The following CDH13 variants were observed in gnomAD, a reference collection of about 807,000 sequenced individuals.
CDH13 encodes the protein cadherin 13, also known as cadherin-13.
In CDH13, 24 loss-of-function variants were observed where a neutral mutation model predicts 63.8. The ratio of observed to expected loss-of-function variants is 0.38; its 90% confidence interval spans 0.27 to 0.53. The LOEUF (loss-of-function observed/expected upper bound fraction) is 0.53. CDH13 is among the 20% of genes least tolerant of loss of function. The pLI, the probability that CDH13 is intolerant of heterozygous loss-of-function variation, is 0.85. For synonymous variants in CDH13, 503 were observed against 355.3 expected, an observed-to-expected ratio of 1.42 and a Z score of -4.67; for missense variants, 1,049 against 903.1, an observed-to-expected ratio of 1.16 and a Z score of -2.07.
Position 83,486,543 on chromosome 16 carries a change from G to A in CDH13, c.848G>A (p.Arg283Gln), listed in dbSNP as rs760476515. The A allele has an allele frequency of 7.4e-6, 12 of 1,613,672 alleles. No individual in the cohort carries two copies. Among genetic ancestry groups the A allele is most frequent in the South Asian group, 2.2e-5 (2 of 91,064 alleles). Reference protein sequence around the residue: ...DDPATDNALLRYNIRQQTPDK... With the variant: ...DDPATDNALLQYNIRQQTPDK... ...CCAGCCACCGATAATGCCCTCCTGC[G>A]GTATAATATCCGTCAGCAGACGCCT... Residue 283 changes from arginine to glutamine, a missense_variant, in exon 7 of 14, where the codon CGG becomes CAG. By Grantham distance (43) the Arg-to-Gln change is conservative. Coordinates refer to ENST00000567109, the MANE Select transcript of CDH13 (RefSeq NM_001257.5).
intron 6 of CDH13, among the ~76,000 whole-genome samples, chr16:83,346,198 C>T (rs2090836430): frequency 6.6e-6 from 1 of 152,062 alleles, no homozygotes; most frequent in African/African-American, 2.4e-5. Context: ...GTGTTGGAGG[C>T]AGATGGCAGA....
chr16:83,185,089 C>G (rs1010444618), intron 4 of CDH13, among the ~76,000 whole-genome samples: 1 of 152,066 alleles, frequency 6.6e-6, no homozygotes, highest in African/African-American at 2.4e-5. Context: ...CTACTACTAT[C>G]CCTATTTTAT....
intron 1 of CDH13, among the ~76,000 whole-genome samples, chr16:82,704,879 T>C (rs951265416): frequency 2.6e-5 from 4 of 152,176 alleles, no homozygotes; most frequent in African/African-American, 7.2e-5. Flanking sequence ...GCGTGAGCCA[T>C]AACACGCAAA....
chr16:82,734,599 G>C (rs1384567594), intron 1 of CDH13, among the ~76,000 whole-genome samples: 2 of 152,228 alleles, frequency 1.3e-5, no homozygotes, highest in Non-Finnish European at 2.9e-5. Flanking sequence ...GCAACTCTGA[G>C]ATGGAGTTTA....
chr16:82,640,450 C>G (rs4783248), intron 1 of CDH13, among the ~76,000 whole-genome samples: 29,739 of 151,990 alleles, frequency 0.2, 3,495 homozygotes, highest in Admixed American at 0.3. Context: ...CTGTAATGAG[C>G]CATCTAGTAA....
Position 82,759,646 on chromosome 16 carries a change from T to C in CDH13, c.46-98716T>C, listed in dbSNP as rs556535587. 6.6e-5 allele frequency among the ~76,000 whole-genome samples: 10 copies of C among 151,888 alleles called. No individual in the cohort carries two copies. In the South Asian group the frequency reaches 1.9e-3, roughly 28 times the overall value. ...ACTTTGGTCCATATGCAGTATTCCA[T>C]AGAAAATTGATATTTTGCCTTAACA... On this transcript the variant is annotated intron_variant, in intron 1 of 13. Coordinates refer to ENST00000567109, the MANE Select transcript of CDH13 (RefSeq NM_001257.5).
intron 6 of CDH13, among the ~76,000 whole-genome samples, chr16:83,355,090 G>A (rs1597817781): frequency 6.6e-6 from 1 of 152,122 alleles, no homozygotes; most frequent in South Asian, 2.1e-4. Context: ...TTTAAGCGAG[G>A]AAATAGATAT....
At chr16:83,533,235 G>A (rs764887136) in intron 7 of CDH13, among the ~76,000 whole-genome samples, 6 of 152,180 alleles carry the variant, frequency 3.9e-5, no homozygotes, top group South Asian at 2.1e-4. Context: ...CCCTCAATGC[G>A]ACGGCTCACT....
At chr16:83,656,351 G>C (rs1317909207) in intron 8 of CDH13, among the ~76,000 whole-genome samples, 1 of 152,160 alleles carries the variant, frequency 6.6e-6, no homozygotes, top group African/African-American at 2.4e-5. Context: ...GAGTCGGGAG[G>C]TGGAAAGGCC....
intron 3 of CDH13, among the ~76,000 whole-genome samples, chr16:83,073,433 A>T (rs1317174456): frequency 6.6e-6 from 1 of 151,610 alleles, no homozygotes; most frequent in African/African-American, 2.4e-5. Context: ...GAATATTGGA[A>T]TCTTGACCTT....
intron 5 of CDH13, among the ~76,000 whole-genome samples, chr16:83,248,980 C>G (rs536117758): frequency 6.6e-6 from 1 of 152,310 alleles, no homozygotes; most frequent in South Asian, 2.1e-4. Flanking sequence ...AGCTTTCACT[C>G]TTTGAGTGCA....
At chr16:83,616,920 T>C (rs537434004) in intron 8 of CDH13, among the ~76,000 whole-genome samples, 2 of 152,350 alleles carry the variant, frequency 1.3e-5, no homozygotes, top group African/African-American at 4.8e-5. Flanking sequence ...TTTGTGCCAC[T>C]ACACACTCTG....
At chr16:82,659,078 T>C (rs1288104748) in intron 1 of CDH13, among the ~76,000 whole-genome samples, 1 of 152,190 alleles carries the variant, frequency 6.6e-6, no homozygotes. Flanking sequence ...GCAGGTAATA[T>C]GCTTCCCATT....
intron 4 of CDH13, among the ~76,000 whole-genome samples, chr16:83,143,735 C>T (rs1003772181): frequency 3.9e-5 from 6 of 152,208 alleles, no homozygotes; most frequent in Non-Finnish European, 8.8e-5. Context: ...ATACAACCTG[C>T]TCTGCATCCT....
chr16:82,644,201 T>A lies in CDH13; in HGVS notation c.45+17064T>A, dbSNP rs1597202965. Among the ~76,000 whole-genome samples the A allele has an allele frequency of 6.6e-6, 1 of 152,130 alleles. No individual in the cohort carries two copies. Among genetic ancestry groups the A allele is most frequent in the Non-Finnish European group, 1.5e-5 (1 of 68,022 alleles). ...TGAATGTTTGGCACCCTTTGGCTGGTGCGGCTGAAGAATTCAATAGCCTAG... is the reference window on the plus strand; with the variant it reads ...TGAATGTTTGGCACCCTTTGGCTGGAGCGGCTGAAGAATTCAATAGCCTAG... On this transcript the variant is annotated intron_variant, in intron 1 of 13. Coordinates refer to ENST00000567109, the MANE Select transcript of CDH13 (RefSeq NM_001257.5). This position sits in a 1 kb window ranked among gnomAD's most constrained non-coding sequence, Gnocchi z 5.7.
At chr16:83,512,302 CAG>C (rs1335975859) in intron 7 of CDH13, among the ~76,000 whole-genome samples, 1 of 148,884 alleles carries the variant, frequency 6.7e-6, no homozygotes, top group Non-Finnish European at 1.5e-5. Flanking sequence ...GCCTGGCGGA[CAG>C]AGTGAAACTC....
intron 5 of CDH13, among the ~76,000 whole-genome samples, chr16:83,340,007 C>T (rs566988043): frequency 9.5e-4 from 144 of 152,278 alleles, no homozygotes; most frequent in African/African-American, 3.3e-3. Context: ...TAAGGCAATA[C>T]AGGGCCCCCC....
intron 10 of CDH13, among the ~76,000 whole-genome samples, chr16:83,733,968 G>C (rs1435464165): frequency 6.6e-6 from 1 of 152,188 alleles, no homozygotes; most frequent in East Asian, 1.9e-4. Flanking sequence ...CTCTGAAGCA[G>C]AGCACCAGAC....
intron 11 of CDH13, among the ~76,000 whole-genome samples, chr16:83,760,557 C>G (rs1913881350): frequency 1.3e-5 from 2 of 152,198 alleles, no homozygotes; most frequent in African/African-American, 4.8e-5. Context: ...ATCTCACAAA[C>G]ATAGTGTGCA....
Sources: allele counts gnomAD v4.1 joint callset (sites outside exome capture counted in the v4.1 genomes callset), GRCh38; gene constraint gnomAD v4.1.1; non-coding constraint Gnocchi (gnomAD v3.1); transcripts MANE v1.5; gene names NCBI Gene and HGNC (gene_info 2026-07-23, HGNC 2026-07-21).